The following AXIN2 variants were observed in gnomAD, a reference collection of about 807,000 sequenced individuals.
AXIN2 encodes axin 2, also known as axin-2.
Under a neutral mutation model 74.7 loss-of-function variants are expected in AXIN2, and 21 were observed. The ratio of observed to expected loss-of-function variants is 0.28; its 90% CI spans 0.20 to 0.40. The LOEUF (loss-of-function observed/expected upper bound fraction) is 0.40. Among genes scored for constraint, AXIN2 ranks in the 10% least tolerant of loss-of-function variants. The pLI is 1.00. For synonymous variants in AXIN2, 532 were observed against 454.9 expected (o/e 1.17, Z -2.16); for missense variants, 1,144 against 1,111.1 (o/e 1.03, Z -0.42).
At chr17:65,553,526 C>G (rs2144559823) in intron 2 of AXIN2, among the ~76,000 whole-genome samples, 1 of 152,266 alleles carries the variant, frequency 6.6e-6, no homozygotes, top group South Asian at 2.1e-4. Context: ...CTAACTCAAA[C>G]CCTATGTGTG....
At chr17:65,539,784 G>A (rs868149627) in intron 4 of AXIN2, among the ~76,000 whole-genome samples, 19 of 152,310 alleles carry the variant, frequency 1.2e-4, no homozygotes, top group African/African-American at 4.3e-4. Context: ...TGGCAGGAAG[G>A]ATTCATAAAC....
rs765056784 is a variant in AXIN2, at chr17:65,528,644, A to C, written c.*1332T>G. On this transcript the variant is annotated 3_prime_UTR_variant, in exon 11 of 11. Transcript: ENST00000307078. ...GTACCAAGTAATTTTCCTTAAATGAACTCTTTATAATGCATAATTTACAGT... is the reference window on the plus strand; with the variant it reads ...GTACCAAGTAATTTTCCTTAAATGACCTCTTTATAATGCATAATTTACAGT... The C allele has an allele frequency of 2.0e-6, 1 of 512,744 alleles. No individual in the cohort carries two copies. The highest frequency in any genetic ancestry group is 1.6e-5 in the South Asian group (1 of 62,044). 31.8% of individuals were successfully genotyped at this position (512,744 alleles called of 1,614,324 possible).
chr17:65,548,511 C>T (rs1307014975), intron 3 of AXIN2, among the ~76,000 whole-genome samples: 10 of 152,168 alleles, frequency 6.6e-5, no homozygotes, highest in Non-Finnish European at 8.8e-5. Flanking sequence ...CTTTAGCAGG[C>T]GAAATTCTGA....
intron 2 of AXIN2, among the ~76,000 whole-genome samples, chr17:65,555,168 T>A (rs918438504): frequency 1.3e-5 from 2 of 152,328 alleles, no homozygotes; most frequent in African/African-American, 4.8e-5. Context: ...AACACAGGGC[T>A]TGCAAGCCTG....
At position 65,529,401 on chromosome 17, in the gene AXIN2, TAA is replaced by T. The variant is rs897365275; in HGVS notation, c.*573_*574del. On this transcript the variant is annotated 3_prime_UTR_variant, in exon 11 of 11. Transcript: ENST00000307078. ...ATGTGTCAATGGTAGGGCACCATTT[TAA>T]AAAGTCTGTCTAAAACAGTCTGTCT... 3 of 242,904 alleles carry T rather than the reference TAA, an allele frequency of 1.2e-5. No homozygotes were observed. The highest frequency in any genetic ancestry group is 6.6e-5 in the African/African-American group (3 of 45,428). The allele number at this position is 242,904 out of a possible 1,614,324, so 15.0% of individuals were successfully genotyped here.
Position 65,534,026 on chromosome 17 carries a change from A to C in AXIN2, c.2291T>G (p.Leu764Trp). The C allele has an allele frequency of 1.2e-6, 2 of 1,614,248 alleles. No individual in the cohort carries two copies. The highest frequency in any genetic ancestry group is 8.5e-7 in the Non-Finnish European group (1 of 1,180,040). ...AGVHALQASE[L>W]VVTYFFCGEE... ...CCCACAGAAAAAGTAAGTGACAACCAACTCACTGGCCTGGAGCGCGTGGAC... is the reference window on the plus strand; with the variant it reads ...CCCACAGAAAAAGTAAGTGACAACCCACTCACTGGCCTGGAGCGCGTGGAC... The change falls in exon 10 of 11, where the codon TTG becomes TGG. Residue 764 changes from leucine (L) to tryptophan (W), a missense_variant. Physicochemically the swap from Leu to Trp is moderately conservative, Grantham distance 61. Transcript: ENST00000307078.
Position 65,529,486 on chromosome 17 carries a change from C to T in AXIN2, c.*490G>A. Reference sequence around the variant, plus strand: ...CCTCTGTTAGTGAAGAAACCATGAACGCACTCCTAGCTCAACTCCTAAGTT... The same window carrying T: ...CCTCTGTTAGTGAAGAAACCATGAATGCACTCCTAGCTCAACTCCTAAGTT... On this transcript the variant is annotated 3_prime_UTR_variant, in exon 11 of 11. Coordinates refer to ENST00000307078, the MANE Select transcript of AXIN2 (RefSeq NM_004655.4). 3 of 288,942 alleles carry T rather than the reference C, an allele frequency of 1.0e-5. 1 individual carries two copies. The highest frequency in any genetic ancestry group is 1.6e-4 in the South Asian group (2 of 12,884). The allele number at this position is 288,942 out of a possible 1,614,324, so 17.9% of individuals were successfully genotyped here. A position where few individuals can be genotyped will look rare whatever the true frequency, so the allele number is the denominator to read the frequency against.
rs2044266947 is a variant in AXIN2, at chr17:65,556,379, C to A, written c.815+1427G>T. ...ATGGTCTCATAATGGGGCGGGCAGG[C>A]GTAGCAGGTGCCCGGCGACTGACCT... On this transcript the variant is annotated intron_variant, in intron 2 of 10. Coordinates refer to ENST00000307078, the MANE Select transcript of AXIN2 (RefSeq NM_004655.4). 2.6e-5 allele frequency among the ~76,000 whole-genome samples: 4 copies of A among 152,116 alleles called. No individual in the cohort carries two copies. The South Asian group carries it at 8.3e-4, about 32-fold the overall frequency.
In AXIN2 at chr17:65,537,838, G is replaced by C. The variant is rs1358032988; in HGVS notation, c.1201-3C>G. 3 of 1,546,632 alleles carry C rather than the reference G, an allele frequency of 1.9e-6. No individual in the cohort carries two copies. Among genetic ancestry groups the C allele is most frequent in the African/African-American group, 2.7e-5 (2 of 73,096 alleles). On this transcript the variant is annotated splice_region_variant and splice_polypyrimidine_tract_variant and intron_variant, in intron 5 of 10. Transcript: ENST00000307078. The stretch of plus-strand genomic sequence containing the variant: ...TCGGAGCCCTCTCTCTCTTCATCCT[G>C]AAAGGGAAGACGTCAGAAGGAGAAG...
chr17:65,558,495 C>T lies in AXIN2; in HGVS notation c.126G>A (p.Lys42=), dbSNP rs1555583730. The change falls in exon 2 of 11, where the codon AAG becomes AAA. Residue 42 remains lysine, a synonymous_variant. Coordinates refer to ENST00000307078, the MANE Select transcript of AXIN2 (RefSeq NM_004655.4). ...CAGGCATGGGTTTGGTGACCTGGCC[C>T]TTGCCCACCCCTGGCTGACACGGTG... ...ETPPCQPGVG[K]GQVTKPMPVS... is the part of the protein sequence containing the mutation. 1.2e-6 allele frequency: 2 copies of T among 1,612,138 alleles called. No individual in the cohort carries two copies. Among genetic ancestry groups the T allele is most frequent in the African/African-American group, 1.3e-5 (1 of 75,040 alleles).
At position 65,528,928 on chromosome 17, in the gene AXIN2, A is replaced by G. The variant is rs1184064343; in HGVS notation, c.*1048T>C. ...TATAGTACAAGTAACAATGGCAAAC[A>G]GAATGTACAGATTAACTTAACACAA... is the stretch of plus-strand genomic sequence containing the variant. On this transcript the variant is annotated 3_prime_UTR_variant, in exon 11 of 11. Coordinates refer to ENST00000307078, the MANE Select transcript of AXIN2 (RefSeq NM_004655.4). 3 of 303,176 alleles carry G rather than the reference A, an allele frequency of 9.9e-6. No individual in the cohort carries two copies. Among genetic ancestry groups the G allele is most frequent in the African/African-American group, 6.5e-5 (3 of 46,092 alleles). 18.8% of individuals were successfully genotyped at this position (303,176 alleles called of 1,614,324 possible).
chr17:65,538,208 G>T lies in AXIN2; in HGVS notation c.1195C>A (p.Arg399=), dbSNP rs1157452251. The T allele has an allele frequency of 2.5e-6, 4 of 1,614,212 alleles. No homozygotes were observed. The highest frequency in any genetic ancestry group is 3.4e-6 in the Non-Finnish European group (4 of 1,180,050). Reference sequence around the variant, plus strand: ...GAAGGCCTAGGCCGCATTACCTCTCGGATCTGCTGCAGGCGCTCCTCCAGG... The same window carrying T: ...GAAGGCCTAGGCCGCATTACCTCTCTGATCTGCTGCAGGCGCTCCTCCAGG... ...HSLEERLQQI[R]EDEEREGSEL... Residue 399 remains arginine, a synonymous_variant, in exon 5 of 11, where the codon CGA becomes AGA. Coordinates refer to ENST00000307078, the MANE Select transcript of AXIN2 (RefSeq NM_004655.4).
chr17:65,535,316 GTAC>G (rs1298381393), intron 9 of AXIN2, among the ~76,000 whole-genome samples: 8 of 152,212 alleles, frequency 5.3e-5, no homozygotes, highest in African/African-American at 1.4e-4. Context: ...AATGTTTCCA[GTAC>G]TACTAAATTG....
intron 10 of AXIN2, 132 bp from the exon 11 acceptor site, chr17:65,530,234 G>T: frequency 2.4e-6 from 3 of 1,237,232 alleles, no homozygotes; most frequent in Non-Finnish European, 3.5e-6. Context: ...ACACTGTTGC[G>T]CACATCTGCT....
chr17:65,533,604 C>G (rs1313020633), intron 10 of AXIN2, among the ~76,000 whole-genome samples: 2 of 152,210 alleles, frequency 1.3e-5, no homozygotes, highest in African/African-American at 4.8e-5. Context: ...GTGGCCTGAG[C>G]CCCACTCTCC....
At chr17:65,552,113 G>A (rs1023136863) in intron 2 of AXIN2, among the ~76,000 whole-genome samples, 28 of 152,084 alleles carry the variant, frequency 1.8e-4, no homozygotes, top group African/African-American at 5.8e-4. Flanking sequence ...TCCTCAATCC[G>A]GAATTCCCCA....
intron 9 of AXIN2, among the ~76,000 whole-genome samples, chr17:65,534,419 T>C (rs910076947): frequency 3.3e-5 from 5 of 152,128 alleles, no homozygotes; most frequent in African/African-American, 1.2e-4. Context: ...CTCAAGAAGA[T>C]GAGAGAAGAG....
At position 65,558,144 on chromosome 17, in the gene AXIN2, A is replaced by G. The variant is rs1555583438; in HGVS notation, c.477T>C (p.Asp159=). 3.7e-6 allele frequency: 6 copies of G among 1,613,590 alleles called. No individual in the cohort carries two copies. The highest frequency in any genetic ancestry group is 5.1e-6 in the Non-Finnish European group (6 of 1,179,882). ...AATCAATCTGCTGCTTCTTGATGCC[A>G]TCTCTTATGTAGGTCTTGGTGGCAG... ...LKPATKTYIR[D]GIKKQQIDSI... is the part of the protein sequence containing the mutation. The change falls in exon 2 of 11, where the codon GAT becomes GAC. Residue 159 remains aspartate (D), a synonymous_variant. Transcript: ENST00000307078.
chr17:65,557,029 T>C (rs1417614604), intron 2 of AXIN2, among the ~76,000 whole-genome samples: 3 of 152,330 alleles, frequency 2.0e-5, no homozygotes, highest in Non-Finnish European at 4.4e-5. Flanking sequence ...TGCAAAGAAC[T>C]ATTTGTCTTT....
Sources: gnomAD v4.1 joint callset for allele counts (sites outside exome capture counted in the v4.1 genomes callset) on GRCh38, gnomAD v4.1.1 for gene constraint, MANE v1.5 for transcripts, NCBI Gene and HGNC (gene_info 2026-07-23, HGNC 2026-07-21) for gene names.